Variants in PTPRN2 observed in about 807,000 individuals in gnomAD.
PTPRN2 encodes the protein receptor-type tyrosine-protein phosphatase N2.
A neutral mutation model predicts 118.8 loss-of-function variants in PTPRN2; 74 were observed. That is an observed-to-expected ratio of 0.62 (90% CI 0.52 to 0.76). PTPRN2 has a LOEUF of 0.76. Among genes scored for constraint, PTPRN2 ranks in the 30% least tolerant of loss-of-function variants. The probability of loss-of-function intolerance (pLI) is 0.00; values close to 1 mark genes in which losing one functional copy is unlikely to be tolerated. For synonymous variants in PTPRN2, 641 were observed against 608.0 expected (o/e 1.05, Z -0.80); for missense variants, 1,481 against 1,394.4 (o/e 1.06, Z -0.99).
chr7:158,530,879 G>C (rs1825175418), intron 1 of PTPRN2, among the ~76,000 whole-genome samples: 1 of 152,202 alleles, frequency 6.6e-6, no homozygotes, highest in Non-Finnish European at 1.5e-5. Context: ...CGTTCACTCA[G>C]CAGAGCAGGG....
chr7:158,387,816 G>A (rs918954761), intron 2 of PTPRN2, among the ~76,000 whole-genome samples: 2 of 152,118 alleles, frequency 1.3e-5, no homozygotes, highest in African/African-American at 4.8e-5. Flanking sequence ...CTGCCCTGTG[G>A]GATTCGGACA....
At chr7:158,342,775 C>G (rs1807149080) in intron 2 of PTPRN2, among the ~76,000 whole-genome samples, 1 of 152,146 alleles carries the variant, frequency 6.6e-6, no homozygotes, top group Non-Finnish European at 1.5e-5. Context: ...GCAGGAAAGT[C>G]TGACTGACAC....
At chr7:158,527,732 G>A (rs76849135) in intron 1 of PTPRN2, among the ~76,000 whole-genome samples, 4,573 of 152,212 alleles carry the variant, frequency 0.03, 232 homozygotes, top group African/African-American at 0.1. Context: ...TTCCCTCACC[G>A]TGACCTCTGC....
At chr7:157,955,032 G>A (rs1208340427) in intron 11 of PTPRN2, among the ~76,000 whole-genome samples, 1 of 152,160 alleles carries the variant, frequency 6.6e-6, no homozygotes, top group Non-Finnish European at 1.5e-5. Context: ...AAGCGGGTGG[G>A]GTGGAGGGTG....
chr7:158,447,658 C>T (rs1243710429), intron 2 of PTPRN2, among the ~76,000 whole-genome samples: 2 of 152,244 alleles, frequency 1.3e-5, no homozygotes, highest in East Asian at 1.9e-4. Context: ...TGCGTCCTGC[C>T]AGGCCCCTGG....
At chr7:158,581,855 G>A (rs149728373) in intron 1 of PTPRN2, among the ~76,000 whole-genome samples, 4 of 152,352 alleles carry the variant, frequency 2.6e-5, no homozygotes, top group African/African-American at 7.2e-5. Context: ...TCGGTAGTCC[G>A]AGGTCCAGTT....
intron 12 of PTPRN2, among the ~76,000 whole-genome samples, chr7:157,703,967 C>A (rs1280450181): frequency 6.6e-6 from 1 of 152,204 alleles, no homozygotes; most frequent in Non-Finnish European, 1.5e-5. Context: ...GAAGCTCTCA[C>A]TCGCCCAAAG....
chr7:158,154,946 T>C (rs569697339), intron 6 of PTPRN2, among the ~76,000 whole-genome samples: 5 of 152,326 alleles, frequency 3.3e-5, no homozygotes, highest in African/African-American at 1.2e-4. Context: ...GAAGTATGTT[T>C]TGCAGCATCC....
intron 2 of PTPRN2, among the ~76,000 whole-genome samples, chr7:158,324,821 G>A (rs796708621): frequency 1.6e-4 from 24 of 152,188 alleles, no homozygotes; most frequent in African/African-American, 5.1e-4. Context: ...GCTGTGGACC[G>A]AACAAGGTGG....
chr7:157,896,782 C>G lies in PTPRN2; in HGVS notation c.1788+1891G>C, dbSNP rs1295919426. Among the ~76,000 whole-genome samples, 3 of 152,336 alleles carry G rather than the reference C, an allele frequency of 2.0e-5. 1 individual carries two copies. The highest frequency in any genetic ancestry group is 2.0e-4 in the Admixed American group (3 of 15,306). On this transcript the variant is annotated intron_variant, in intron 12 of 22. Coordinates refer to ENST00000389418, the MANE Select transcript of PTPRN2 (RefSeq NM_002847.5). The stretch of plus-strand genomic sequence containing the variant: ...ATGGCAGAAGCCACTTGGGCTGGAG[C>G]TGCCCAGTCAGTGGCTCCACCTGTC...
intron 11 of PTPRN2, among the ~76,000 whole-genome samples, chr7:157,960,742 T>C (rs1370620939): frequency 6.6e-6 from 1 of 152,038 alleles, no homozygotes; most frequent in Admixed American, 6.6e-5. Context: ...CATGGTGGCT[T>C]ACGCCTGTAA....
chr7:158,331,415 C>A (rs1804413870), intron 2 of PTPRN2, among the ~76,000 whole-genome samples: 1 of 148,132 alleles, frequency 6.8e-6, no homozygotes, highest in Non-Finnish European at 1.5e-5. Flanking sequence ...AGAGCTGAGG[C>A]CCACAGAGGT....
intron 12 of PTPRN2, among the ~76,000 whole-genome samples, chr7:157,709,809 G>A (rs1031657648): frequency 3.3e-5 from 5 of 152,196 alleles, no homozygotes; most frequent in South Asian, 2.1e-4. Flanking sequence ...CATACAAGTC[G>A]GATATTCTGG....
intron 11 of PTPRN2, among the ~76,000 whole-genome samples, chr7:158,010,721 C>T (rs988852556): frequency 3.9e-5 from 6 of 152,214 alleles, no homozygotes; most frequent in African/African-American, 1.4e-4. Flanking sequence ...AGTTTATATA[C>T]TTTAAAAAGT....
chr7:158,366,972 C>T (rs1563206808), intron 2 of PTPRN2, among the ~76,000 whole-genome samples: 1 of 152,200 alleles, frequency 6.6e-6, no homozygotes, highest in Non-Finnish European at 1.5e-5. Flanking sequence ...GGCAGTGCCG[C>T]TCCCGTGCAC....
chr7:158,508,622 G>GGAGGGGGCCTCAGCACGCAGGAAGCT, intron 1 of PTPRN2, among the ~76,000 whole-genome samples: 2 of 145,628 alleles, frequency 1.4e-5, no homozygotes, highest in African/African-American at 5.1e-5. Context: ...TGGGACGCTC[G>GGAGGGGGCCTCAGCACGCAGGAAGCT]GAGCAGGTGC....
At chr7:157,578,223 G>A in intron 17 of PTPRN2, 83 bp from the exon 18 acceptor site, 1 of 1,435,620 alleles carries the variant, frequency 7.0e-7, no homozygotes, top group Admixed American at 2.1e-5. Flanking sequence ...CGGAAGCACA[G>A]TCCAAATTTA....
At chr7:157,911,831 C>T (rs1429660472) in intron 11 of PTPRN2, among the ~76,000 whole-genome samples, 1 of 138,602 alleles carries the variant, frequency 7.2e-6, no homozygotes, top group African/African-American at 2.4e-5. Flanking sequence ...GACATAATAA[C>T]ATACACGTTC....
intron 3 of PTPRN2, among the ~76,000 whole-genome samples, chr7:158,312,736 CA>C (rs10579250): frequency 6.6e-6 from 1 of 150,396 alleles, no homozygotes; most frequent in Non-Finnish European, 1.5e-5. Flanking sequence ...CACACACACA[CA>C]CCTGCACACT....
Sources: allele counts gnomAD v4.1 joint callset (sites outside exome capture counted in the v4.1 genomes callset), GRCh38; gene constraint gnomAD v4.1.1; transcripts MANE v1.5; gene names NCBI Gene and HGNC (gene_info 2026-07-23, HGNC 2026-07-21).